Variants in SGK3 observed in about 807,000 individuals in gnomAD.
SGK3 encodes the protein serine/threonine-protein kinase Sgk3.
Under a neutral mutation model 68.5 loss-of-function variants are expected in SGK3, and 47 were observed. That is an observed-to-expected ratio of 0.69 (90% CI 0.54 to 0.87). The LOEUF (loss-of-function observed/expected upper bound fraction) is 0.87, where lower values mean the gene tolerates loss of function less well. SGK3 is among the 40% of genes least tolerant of loss of function. The pLI is 0.00. For synonymous variants in SGK3, 181 were observed against 189.1 expected, an observed-to-expected ratio of 0.96 and a Z score of 0.35; for missense variants, 479 against 575.5, an observed-to-expected ratio of 0.83 and a Z score of 1.72.
At position 66,808,549 on chromosome 8, in the gene SGK3, C is replaced by T. The variant is rs1240760192; in HGVS notation, c.253+4102C>T. ...TTTTTTTGAGATGGAGTTTCGCTCT[C>T]ATTGCCCAGGCTGGAGTGCAGTGGC... On this transcript the variant is annotated intron_variant, in intron 4 of 16. Coordinates refer to ENST00000521198, the MANE Select transcript of SGK3 (RefSeq NM_001033578.3). Among the ~76,000 whole-genome samples, 4 of 148,814 alleles carry T rather than the reference C, an allele frequency of 2.7e-5. No individual in the cohort carries two copies. The East Asian group carries it at 7.8e-4, about 29-fold the overall frequency.
chr8:66,756,871 G>A (rs1226518486), intron 1 of SGK3, among the ~76,000 whole-genome samples: 4 of 151,762 alleles, frequency 2.6e-5, no homozygotes, highest in South Asian at 2.1e-4. Flanking sequence ...GATTACAGGC[G>A]TGAGCCACTG....
intron 1 of SGK3, among the ~76,000 whole-genome samples, chr8:66,745,114 C>T (rs1429379519): frequency 6.6e-6 from 1 of 151,830 alleles, no homozygotes; most frequent in Non-Finnish European, 1.5e-5. Flanking sequence ...AGACAAAACC[C>T]ATTTGTCTAT....
chr8:66,836,072 G>T lies in SGK3; in HGVS notation c.739G>T (p.Glu247Ter). 1 of 1,610,528 alleles carries T rather than the reference G, an allele frequency of 6.2e-7. No individual in the cohort carries two copies. The highest frequency in any genetic ancestry group is 8.5e-7 in the Non-Finnish European group (1 of 1,178,828). The change falls in exon 10 of 17, where the codon GAG (glutamate) becomes TAG (stop). Residue 247 changes from glutamate to a stop codon, truncating the protein, a stop_gained and splice_region_variant. Transcript: ENST00000521198. LOFTEE classifies it high-confidence loss of function. Reference sequence around the variant, plus strand: ...TGTTCTGGATTTTGTTAATGGAGGGGAGGTGAGTTTTATAATGAGTTTTCT... The same window carrying T: ...TGTTCTGGATTTTGTTAATGGAGGGTAGGTGAGTTTTATAATGAGTTTTCT... ...YFVLDFVNGG[E>*]LFFHLQRERS...
chr8:66,854,418 G>T (rs1374824761), intron 16 of SGK3, among the ~76,000 whole-genome samples: 1 of 152,136 alleles, frequency 6.6e-6, no homozygotes, highest in Non-Finnish European at 1.5e-5. Flanking sequence ...GCATAGTCCT[G>T]CCCTGAAGGG....
chr8:66,753,607 C>T (rs964598267), intron 1 of SGK3, among the ~76,000 whole-genome samples: 1 of 152,136 alleles, frequency 6.6e-6, no homozygotes, highest in East Asian at 1.9e-4. Flanking sequence ...GGTTGATCAC[C>T]TGAGGTCAGG....
intron 1 of SGK3, among the ~76,000 whole-genome samples, chr8:66,735,656 AG>A (rs1278614771): frequency 6.6e-6 from 1 of 152,210 alleles, no homozygotes; most frequent in African/African-American, 2.4e-5. Flanking sequence ...TAGATGAAAA[AG>A]CAAGAAGCAC....
chr8:66,739,886 G>T (rs1400879151), intron 1 of SGK3, among the ~76,000 whole-genome samples: 1 of 152,142 alleles, frequency 6.6e-6, no homozygotes, highest in Non-Finnish European at 1.5e-5. Flanking sequence ...GATCTCATGA[G>T]AACTTATCTA....
intron 14 of SGK3, among the ~76,000 whole-genome samples, chr8:66,846,973 A>C (rs1420953039): frequency 6.6e-6 from 1 of 152,212 alleles, no homozygotes; most frequent in Admixed American, 6.5e-5. Context: ...GCTATTGAAC[A>C]AACTGGCCCT....
intron 1 of SGK3, among the ~76,000 whole-genome samples, chr8:66,718,112 G>C (rs573909954): frequency 1.3e-5 from 2 of 151,052 alleles, no homozygotes; most frequent in Admixed American, 1.3e-4. Context: ...TACAACCTCC[G>C]CCTTTGGGGT....
At chr8:66,744,511 A>G (rs1281699513) in intron 1 of SGK3, among the ~76,000 whole-genome samples, 4 of 26,342 alleles carry the variant, frequency 1.5e-4, no homozygotes, top group African/African-American at 7.7e-4. Context: ...ATATATATAT[A>G]TATATATATT....
intron 2 of SGK3, among the ~76,000 whole-genome samples, chr8:66,795,657 G>A (rs768566656): frequency 1.2e-4 from 19 of 152,104 alleles, no homozygotes; most frequent in Non-Finnish European, 2.5e-4. Flanking sequence ...TGGTCGAGGA[G>A]ACCTGTAGCA....
intron 6 of SGK3, 92 bp downstream of exon 6, chr8:66,822,551 T>G: frequency 1.6e-6 from 2 of 1,232,338 alleles, no homozygotes; most frequent in Non-Finnish European, 2.3e-6. Flanking sequence ...ATGAAGTAAT[T>G]TCATCCATAG....
intron 1 of SGK3, among the ~76,000 whole-genome samples, chr8:66,788,354 C>T (rs115673379): frequency 9.9e-4 from 151 of 152,318 alleles, no homozygotes; most frequent in Middle Eastern, 6.8e-3. Context: ...TTTCCATAGG[C>T]GGTCATTGCA....
At chr8:66,725,916 A>G (rs1804972221) in intron 1 of SGK3, among the ~76,000 whole-genome samples, 1 of 152,142 alleles carries the variant, frequency 6.6e-6, no homozygotes, top group South Asian at 2.1e-4. Context: ...ATACCATTGC[A>G]ATTACTGCAA....
At chr8:66,744,499 ATATATATATATATATATATATT>A (rs1805574271) in intron 1 of SGK3, among the ~76,000 whole-genome samples, 1 of 19,956 alleles carries the variant, frequency 5.0e-5, no homozygotes, top group Admixed American at 5.9e-4. Flanking sequence ...ATATATATAT[ATATATATATATATATATATATT>A]TTTTTTTTTT....
At chr8:66,838,773 G>A (rs1809645602) in intron 10 of SGK3, among the ~76,000 whole-genome samples, 1 of 152,184 alleles carries the variant, frequency 6.6e-6, no homozygotes, top group Admixed American at 6.5e-5. Context: ...AAGGGTTAAA[G>A]ATGAGGAGAA....
At chr8:66,812,157 A>G (rs1342818886) in intron 4 of SGK3, among the ~76,000 whole-genome samples, 3 of 152,228 alleles carry the variant, frequency 2.0e-5, no homozygotes, top group Admixed American at 1.3e-4. Flanking sequence ...TAAGTTTACT[A>G]AACCAAAACT....
At position 66,847,355 on chromosome 8, in the gene SGK3, A is replaced by AACAGCTTTTCTAGCT; in HGVS notation, c.1230+8_1230+22dup. On this transcript the variant is annotated splice_region_variant and intron_variant, in intron 15 of 16. Coordinates refer to ENST00000521198, the MANE Select transcript of SGK3 (RefSeq NM_001033578.3). ...TGGTGCCAAGGAAGACTTTGTATGT[A>AACAGCTTTTCTAGCT]ACAGCTTTTCTAGCTCCAGCTTTAT... The AACAGCTTTTCTAGCT allele has an allele frequency of 6.2e-7, 1 of 1,610,000 alleles. No homozygotes were observed. The highest frequency in any genetic ancestry group is 8.5e-7 in the Non-Finnish European group (1 of 1,178,994).
intron 5 of SGK3, among the ~76,000 whole-genome samples, chr8:66,821,541 C>G (rs1808820375): frequency 6.6e-6 from 1 of 151,108 alleles, no homozygotes; most frequent in South Asian, 2.1e-4. Context: ...GAGACAGAGT[C>G]TCGCTCTGTC....
Sources: gnomAD v4.1 joint callset for allele counts (sites outside exome capture counted in the v4.1 genomes callset) on GRCh38, gnomAD v4.1.1 for gene constraint, MANE v1.5 for transcripts, NCBI Gene and HGNC (gene_info 2026-07-23, HGNC 2026-07-21) for gene names.